NTN1: variants seen among roughly 807,000 people sequenced by gnomAD.
NTN1 encodes netrin-1.
NTN1 carries 11 observed loss-of-function variants against 54.2 expected under a neutral mutation model. The ratio of observed to expected loss-of-function variants is 0.20; its 90% CI spans 0.13 to 0.34. The LOEUF (loss-of-function observed/expected upper bound fraction) is 0.34, where lower values mean the gene tolerates loss of function less well. Among genes scored for constraint, NTN1 ranks in the 10% least tolerant of loss-of-function variants. The pLI is 1.00. For missense variants in NTN1, 740 were observed against 893.1 expected (o/e 0.83, Z 2.18); for synonymous variants, 371 against 382.0 (o/e 0.97, Z 0.33).
intron 2 of NTN1, among the ~76,000 whole-genome samples, chr17:9,123,323 A>G (rs1007734385): frequency 2.0e-5 from 3 of 152,224 alleles, no homozygotes; most frequent in African/African-American, 7.2e-5. Context: ...ATATTTTGTG[A>G]ATCACCTATG....
intron 2 of NTN1, among the ~76,000 whole-genome samples, chr17:9,037,515 G>A (rs2091907150): frequency 6.6e-6 from 1 of 152,282 alleles, no homozygotes; most frequent in South Asian, 2.1e-4. Flanking sequence ...CATTCTAGAG[G>A]TATCACTGGA....
At chr17:9,203,123 A>T (rs55870539) in intron 5 of NTN1, among the ~76,000 whole-genome samples, 25,656 of 151,710 alleles carry the variant, frequency 0.17, 2,744 homozygotes, top group Non-Finnish European at 0.25. Flanking sequence ...GGGTTTCACC[A>T]TGTTAGCCAG....
intron 5 of NTN1, among the ~76,000 whole-genome samples, chr17:9,202,189 T>C (rs1010017079): frequency 4.5e-4 from 68 of 151,584 alleles, no homozygotes; most frequent in East Asian, 4.3e-3. Flanking sequence ...TGCAGTGATC[T>C]GAGATCGCAC....
At chr17:9,227,635 A>ACACATCAAACACACAAT (rs1905634694) in intron 6 of NTN1, among the ~76,000 whole-genome samples, 1 of 13,054 alleles carries the variant, frequency 7.7e-5, no homozygotes, top group Admixed American at 8.9e-4. Context: ...TATCACGCAC[A>ACACATCAAACACACAAT]CACATCAAAC....
At chr17:9,088,905 C>T (rs2142230946) in intron 2 of NTN1, among the ~76,000 whole-genome samples, 1 of 152,266 alleles carries the variant, frequency 6.6e-6, no homozygotes, top group South Asian at 2.1e-4. Flanking sequence ...CACCTGTTCA[C>T]CCTGCAAAGC....
At chr17:9,201,805 A>G (rs2142337166) in intron 5 of NTN1, among the ~76,000 whole-genome samples, 1 of 152,130 alleles carries the variant, frequency 6.6e-6, no homozygotes, top group South Asian at 2.1e-4. Flanking sequence ...GACTCAGAGG[A>G]TGCCCTCTAA....
At chr17:9,070,073 TGG>T (rs2092027606) in intron 2 of NTN1, among the ~76,000 whole-genome samples, 1 of 152,164 alleles carries the variant, frequency 6.6e-6, no homozygotes, top group African/African-American at 2.4e-5. Context: ...TGTAGACTAG[TGG>T]ACTAAGAGGT....
chr17:9,050,270 T>A (rs902939320), intron 2 of NTN1, among the ~76,000 whole-genome samples: 12 of 149,628 alleles, frequency 8.0e-5, no homozygotes, highest in South Asian at 6.4e-4. Flanking sequence ...AAAATAAAAA[T>A]AAAATAAAAA....
intron 2 of NTN1, among the ~76,000 whole-genome samples, chr17:9,144,746 G>A (rs1162760065): frequency 3.3e-5 from 5 of 152,228 alleles, no homozygotes; most frequent in Non-Finnish European, 7.3e-5. Flanking sequence ...GCCTCAGTGG[G>A]GTTTGCTGAC....
At chr17:9,020,325 T>A (rs2091841814), upstream of NTN1, among the ~76,000 whole-genome samples, 1 of 152,194 alleles carries the variant, frequency 6.6e-6, no homozygotes, top group Non-Finnish European at 1.5e-5. Flanking sequence ...CTCGGCCCAG[T>A]GTATTCCTTT....
intron 2 of NTN1, among the ~76,000 whole-genome samples, chr17:9,078,810 A>T (rs919298362): frequency 2.0e-5 from 3 of 152,218 alleles, no homozygotes; most frequent in Non-Finnish European, 2.9e-5. Flanking sequence ...TGAGTCAGGC[A>T]GACAAAAAGT....
At chr17:9,199,620 T>C (rs1237211717) in intron 5 of NTN1, among the ~76,000 whole-genome samples, 3 of 152,252 alleles carry the variant, frequency 2.0e-5, no homozygotes. Context: ...TTGGGAGCTC[T>C]TGGGAAACCT....
At position 9,023,255 on chromosome 17, in the gene NTN1, C is replaced by T; in HGVS notation, c.882C>T (p.Cys294=). ...RCKCNGHAAR[C]VRDRDDSLVC... ...AGTGCAACGGCCACGCGGCCCGCTG[C>T]GTGCGCGACCGCGACGACAGCCTGG... Residue 294 remains cysteine (C), a synonymous_variant, in exon 2 of 7, where the codon TGC becomes TGT. Transcript: ENST00000173229. 1.3e-6 allele frequency: 2 copies of T among 1,563,276 alleles called. No individual in the cohort carries two copies. The highest frequency in any genetic ancestry group is 1.2e-5 in the South Asian group (1 of 86,154).
intron 2 of NTN1, among the ~76,000 whole-genome samples, chr17:9,117,371 G>T (rs1325355488): frequency 6.6e-6 from 1 of 152,172 alleles, no homozygotes; most frequent in Non-Finnish European, 1.5e-5. Context: ...CAGTAGTTGG[G>T]CTTGCGCTCC....
At chr17:9,085,663 A>G (rs1413940497) in intron 2 of NTN1, among the ~76,000 whole-genome samples, 2 of 152,156 alleles carry the variant, frequency 1.3e-5, no homozygotes, top group African/African-American at 4.8e-5. Flanking sequence ...AAATAACAAA[A>G]ATACCAACCT....
chr17:9,075,981 C>T (rs2092048140), intron 2 of NTN1, among the ~76,000 whole-genome samples: 1 of 152,240 alleles, frequency 6.6e-6, no homozygotes, highest in Admixed American at 6.5e-5. Context: ...CCCTCAACCC[C>T]AGGTTCACCC....
chr17:9,074,287 C>G (rs778345703), intron 2 of NTN1, among the ~76,000 whole-genome samples: 1 of 152,234 alleles, frequency 6.6e-6, no homozygotes, highest in Non-Finnish European at 1.5e-5. Context: ...CCAGCCCGCT[C>G]TGGTTGGAGC....
At chr17:9,145,361 A>G (rs1310663947) in intron 2 of NTN1, among the ~76,000 whole-genome samples, 3 of 152,216 alleles carry the variant, frequency 2.0e-5, no homozygotes, top group Non-Finnish European at 4.4e-5. Context: ...AACTAATGTC[A>G]TAAAACAACG....
intron 2 of NTN1, among the ~76,000 whole-genome samples, chr17:9,150,898 A>G (rs2092325802): frequency 6.6e-6 from 1 of 152,050 alleles, no homozygotes; most frequent in South Asian, 2.1e-4. Flanking sequence ...GGGAGAAAGA[A>G]CCACAGGGCC....
Sources: gnomAD v4.1 joint callset for allele counts (sites outside exome capture counted in the v4.1 genomes callset) on GRCh38, gnomAD v4.1.1 for gene constraint, MANE v1.5 for transcripts, NCBI Gene and HGNC (gene_info 2026-07-23, HGNC 2026-07-21) for gene names.